Variants in ACSBG1 observed in about 807,000 individuals in gnomAD.
ACSBG1 encodes acyl-CoA synthetase bubblegum family member 1, also known as long-chain-fatty-acid--CoA ligase ACSBG1.
ACSBG1 carries 39 observed loss-of-function variants against 80.2 expected under a neutral mutation model. The observed-to-expected ratio is 0.49, with a 90% CI of 0.38 to 0.64. The LOEUF (loss-of-function observed/expected upper bound fraction) is 0.64. ACSBG1 is among the 30% of genes least tolerant of loss of function. ACSBG1 has a pLI of 0.00. For missense variants in ACSBG1, 828 were observed against 966.4 expected (o/e 0.86, Z 1.90); for synonymous variants, 392 against 379.5 (o/e 1.03, Z -0.38).
intron 8 of ACSBG1, 164 bp from the exon 9 acceptor site, chr15:78,181,100 C>T (rs1355042318): frequency 1.2e-6 from 1 of 834,084 alleles, no homozygotes; most frequent in Non-Finnish European, 1.8e-6. Flanking sequence ...TGGCTGTCGC[C>T]TTGCTTTTTG....
rs148506728 is a variant in ACSBG1, at chr15:78,225,401, C to CAATAAATAAATAAATA, written c.131+8954_131+8969dup. Among the ~76,000 whole-genome samples the CAATAAATAAATAAATA allele has an allele frequency of 5.4e-3, 777 of 143,162 alleles. 4 individuals carry two copies. The highest frequency in any genetic ancestry group is 9.7e-3 in the African/African-American group (378 of 38,822). The allele number at this position is 143,162 out of a possible 152,430, so 93.9% of individuals were successfully genotyped here. A position where few individuals can be genotyped will look rare whatever the true frequency, so the allele number is the denominator to read the frequency against. On this transcript the variant is annotated intron_variant, in intron 1 of 13. Transcript: ENST00000258873. ...GAGCAACAAGAGTGAAACTCTGTCTCAATAAATAAATAAATAAATAAATAA... is the reference window on the plus strand; with the variant it reads ...GAGCAACAAGAGTGAAACTCTGTCTCAATAAATAAATAAATAAATAAATAAATAAATAAATAAATAA...
In ACSBG1 at chr15:78,209,289, G is replaced by A. The variant is rs1391016610; in HGVS notation, c.132-1187C>T. The A allele has an allele frequency of 6.6e-6, 3 of 455,318 alleles. No individual in the cohort carries two copies. In the Admixed American group the frequency reaches 7.1e-5, roughly 11 times the overall value. 28.2% of individuals were successfully genotyped at this position (455,318 alleles called of 1,614,324 possible). A position where few individuals can be genotyped will look rare whatever the true frequency, so the allele number is the denominator to read the frequency against. Reference sequence around the variant, plus strand: ...AAAGCGAAAGATATCAGAAGGTTATGAAGGGAGGGGGACGGGGAGAAGGGG... The same window carrying A: ...AAAGCGAAAGATATCAGAAGGTTATAAAGGGAGGGGGACGGGGAGAAGGGG... On this transcript the variant is annotated intron_variant, in intron 1 of 13. Transcript: ENST00000258873.
Position 78,168,726 on chromosome 15 carries a change from C to T in ACSBG1, c.*2718G>A. On this transcript the variant is annotated 3_prime_UTR_variant, in exon 14 of 14. Coordinates refer to ENST00000258873, the MANE Select transcript of ACSBG1 (RefSeq NM_015162.5). ...ATTCTTTGCAGAGTGCTGTTGTATA[C>T]ACTATGAGATTGGATCCCGATCCTC... 9 of 517,196 alleles carry T rather than the reference C, an allele frequency of 1.7e-5. No individual in the cohort carries two copies. The South Asian group carries it at 1.9e-4, about 11-fold the overall frequency. The allele number at this position is 517,196 out of a possible 1,614,324, so 32.0% of individuals were successfully genotyped here. A position where few individuals can be genotyped will look rare whatever the true frequency, so the allele number is the denominator to read the frequency against.
At chr15:78,212,770 G>A in intron 1 of ACSBG1, 2 of 335,728 alleles carry the variant, frequency 6.0e-6, no homozygotes, top group Admixed American at 7.2e-5. Context: ...CAGCCTGGCT[G>A]GGCGAGGGGA....
intron 2 of ACSBG1, among the ~76,000 whole-genome samples, chr15:78,207,386 T>C (rs1173772224): frequency 2.0e-5 from 3 of 152,110 alleles, no homozygotes; most frequent in Admixed American, 2.0e-4. Context: ...TTTCTTTTTG[T>C]TTTTAAATTT....
At chr15:78,192,595 T>C (rs1301481236) in intron 5 of ACSBG1, among the ~76,000 whole-genome samples, 1 of 152,226 alleles carries the variant, frequency 6.6e-6, no homozygotes, top group Non-Finnish European at 1.5e-5. Flanking sequence ...CCAAGGATTC[T>C]GGCGCTGCCC....
At chr15:78,176,145 C>T (rs1372957380) in intron 11 of ACSBG1, among the ~76,000 whole-genome samples, 4 of 152,104 alleles carry the variant, frequency 2.6e-5, no homozygotes, top group African/African-American at 9.6e-5. Context: ...TGAGCTCAAG[C>T]AATCCTCCTG....
At chr15:78,188,158 G>T (rs1227150746) in intron 5 of ACSBG1, among the ~76,000 whole-genome samples, 1 of 152,108 alleles carries the variant, frequency 6.6e-6, no homozygotes, top group African/African-American at 2.4e-5. Flanking sequence ...ACAAACCACT[G>T]CTCAAGGAAA....
chr15:78,207,925 A>ACCCCCCCCCCCCCCCCCC, intron 2 of ACSBG1, 77 bp downstream of exon 2: 3 of 454,978 alleles, frequency 6.6e-6, no homozygotes, highest in East Asian at 6.1e-5. Flanking sequence ...GGTCCCCCAC[A>ACCCCCCCCCCCCCCCCCC]CCACCCACCC....
At position 78,178,893 on chromosome 15, in the gene ACSBG1, G is replaced by C; in HGVS notation, c.1485-62C>G. The C allele has an allele frequency of 8.6e-6, 13 of 1,509,386 alleles. No individual in the cohort carries two copies. Among genetic ancestry groups the C allele is most frequent in the Non-Finnish European group, 1.1e-5 (12 of 1,127,362 alleles). The allele number at this position is 1,509,386 out of a possible 1,614,324, so 93.5% of individuals were successfully genotyped here. On this transcript the variant is annotated intron_variant, in intron 10 of 13. Transcript: ENST00000258873. This position sits in a 1 kb window ranked among gnomAD's most constrained non-coding sequence, Gnocchi z 4.3. ...GCCGTCTCCTCCAAGCCCCCACTGG[G>C]GAGCCGGGGTCCCAACTGCTCGGTC...
chr15:78,232,185 A>G (rs746330398), intron 1 of ACSBG1, among the ~76,000 whole-genome samples: 5 of 152,042 alleles, frequency 3.3e-5, no homozygotes, highest in Non-Finnish European at 7.4e-5. Context: ...AATCCACCCA[A>G]TTTTTCTGCA....
intron 12 of ACSBG1, among the ~76,000 whole-genome samples, chr15:78,174,147 C>T (rs889771485): frequency 2.6e-4 from 40 of 152,322 alleles, no homozygotes; most frequent in African/African-American, 9.4e-4. Flanking sequence ...GGCAGCAGCA[C>T]TTTGTAGACG....
At chr15:78,217,018 G>C (rs1051373326) in intron 1 of ACSBG1, among the ~76,000 whole-genome samples, 3 of 152,188 alleles carry the variant, frequency 2.0e-5, no homozygotes, top group Non-Finnish European at 4.4e-5. Flanking sequence ...CTGGGACTCT[G>C]TTTCCTCAGA....
intron 2 of ACSBG1, among the ~76,000 whole-genome samples, chr15:78,206,784 C>T (rs2075219503): frequency 6.6e-6 from 1 of 152,214 alleles, no homozygotes; most frequent in African/African-American, 2.4e-5. Flanking sequence ...TCAGATGAAG[C>T]CATTGAGGCC....
intron 9 of ACSBG1, 35 bp from the exon 10 acceptor site, chr15:78,179,815 TCACA>T (rs58848105): frequency 0.028 from 24,670 of 868,206 alleles, 2 homozygotes; most frequent in Middle Eastern, 0.039. Flanking sequence ...ACAGAAGAAA[TCACA>T]CACACACACA....
intron 5 of ACSBG1, among the ~76,000 whole-genome samples, chr15:78,190,152 T>C (rs2075044288): frequency 6.6e-6 from 1 of 152,076 alleles, no homozygotes; most frequent in Admixed American, 6.5e-5. Flanking sequence ...CTCACGCCTG[T>C]AATCTTAGTA....
chr15:78,194,939 T>G (rs1044104506), intron 2 of ACSBG1, among the ~76,000 whole-genome samples: 1 of 152,178 alleles, frequency 6.6e-6, no homozygotes, highest in African/African-American at 2.4e-5. Context: ...GAGCAAAGTT[T>G]AGGGATGCAG....
At chr15:78,206,016 T>TCCC (rs544355543) in intron 2 of ACSBG1, among the ~76,000 whole-genome samples, 523 of 151,980 alleles carry the variant, frequency 3.4e-3, no homozygotes, top group Middle Eastern at 0.01. Context: ...GCGCAGAGGC[T>TCCC]CCCCCTCCAC....
intron 2 of ACSBG1, among the ~76,000 whole-genome samples, chr15:78,204,968 A>G (rs1185876356): frequency 6.6e-6 from 1 of 152,068 alleles, no homozygotes; most frequent in Non-Finnish European, 1.5e-5. Context: ...TAGCTTCCCA[A>G]TTGCAAAAGC....
Sources: allele counts gnomAD v4.1 joint callset (sites outside exome capture counted in the v4.1 genomes callset), GRCh38; gene constraint gnomAD v4.1.1; non-coding constraint Gnocchi (gnomAD v3.1); transcripts MANE v1.5; gene names NCBI Gene and HGNC (gene_info 2026-07-23, HGNC 2026-07-21).